The following DNAJC13 variants were observed in gnomAD, a reference collection of about 807,000 sequenced individuals.
DNAJC13 encodes the protein dnaJ homolog subfamily C member 13.
A neutral mutation model predicts 290.5 loss-of-function variants in DNAJC13; 75 were observed. The observed-to-expected ratio is 0.26, with a 90% confidence interval of 0.21 to 0.31. DNAJC13 has a LOEUF of 0.31. Ranked by LOEUF, DNAJC13 falls within the 10% of genes least tolerant of loss-of-function variation. The probability of loss-of-function intolerance (pLI) is 1.00; values close to 1 mark genes in which losing one functional copy is unlikely to be tolerated. For missense variants in DNAJC13, 2,260 were observed against 2,674.5 expected (o/e 0.85, Z 3.42); for synonymous variants, 862 against 892.0 (o/e 0.97, Z 0.60).
intron 44 of DNAJC13, among the ~76,000 whole-genome samples, chr3:132,511,529 CTTAAG>C (rs548667380): frequency 6.8e-4 from 104 of 152,206 alleles, no homozygotes; most frequent in African/African-American, 2.2e-3. Flanking sequence ...ACATTGATGT[CTTAAG>C]TTAACATATC....
At chr3:132,480,020 C>G (rs1934615458) in intron 25 of DNAJC13, among the ~76,000 whole-genome samples, 1 of 152,054 alleles carries the variant, frequency 6.6e-6, no homozygotes, top group South Asian at 2.1e-4. Flanking sequence ...TTTAATATAG[C>G]AGACTTTATT....
Position 132,454,867 on chromosome 3 carries a change from G to A in DNAJC13, c.932+710G>A, listed in dbSNP as rs538396013. Among the ~76,000 whole-genome samples, 13 of 152,116 alleles carry A rather than the reference G, an allele frequency of 8.5e-5. No homozygotes were observed. The South Asian group carries it at 1.0e-3, about 12-fold the overall frequency. On this transcript the variant is annotated intron_variant, in intron 9 of 55. Transcript: ENST00000260818. ...TCTGTTTGTGAGATGCTTTATGTAC[G>A]TTATCTTGCTTTGTCCTGACAGTAG...
At position 132,467,215 on chromosome 3, in the gene DNAJC13, G is replaced by C. The variant is rs1934025542; in HGVS notation, c.2110G>C (p.Ala704Pro). The C allele has an allele frequency of 2.5e-6, 4 of 1,613,734 alleles. No individual in the cohort carries two copies. Among genetic ancestry groups the C allele is most frequent in the Non-Finnish European group, 2.5e-6 (3 of 1,179,884 alleles). The stretch of plus-strand genomic sequence containing the variant: ...TAAAGTTCCAGAGTGGCAAAGACTA[G>C]CTGGAAAAGCTGCTAAAGAAGTTGA... ...FNKVPEWQRL[A>P]GKAAKEVEKF... Residue 704 changes from alanine (A) to proline (P), a missense_variant, in exon 20 of 56, where the codon GCT becomes CCT. Ala to Pro is a conservative substitution (Grantham distance 27, BLOSUM62 -1). This residue lies in a region of DNAJC13 where 762 missense variants were observed against 964.1 expected (regional missense o/e 0.79). Coordinates refer to ENST00000260818, the MANE Select transcript of DNAJC13 (RefSeq NM_015268.4).
Position 132,461,678 on chromosome 3 carries a change from T to TTTTTA in DNAJC13, c.1713+492_1713+496dup, listed in dbSNP as rs539426857. Among the ~76,000 whole-genome samples the TTTTTA allele has an allele frequency of 2.4e-3, 364 of 152,218 alleles. 2 individuals are homozygous for TTTTTA. The highest frequency in any genetic ancestry group is 1.8e-3 in the Non-Finnish European group (120 of 68,010). ...CTCTGCCCATTTTCTATATCTTGCT[T>TTTTTA]TTTTATTTTATTTTATTTTATTTAT... On this transcript the variant is annotated intron_variant, in intron 15 of 55. Coordinates refer to ENST00000260818, the MANE Select transcript of DNAJC13 (RefSeq NM_015268.4).
chr3:132,443,786 T>G (rs1388715018), intron 2 of DNAJC13, among the ~76,000 whole-genome samples: 2 of 152,054 alleles, frequency 1.3e-5, no homozygotes, highest in Non-Finnish European at 2.9e-5. Context: ...ATAGCTTTCT[T>G]AGGATGGCTT....
intron 1 of DNAJC13, among the ~76,000 whole-genome samples, chr3:132,428,240 A>G (rs1444244226): frequency 6.6e-6 from 1 of 152,214 alleles, no homozygotes; most frequent in East Asian, 1.9e-4. Flanking sequence ...CATTACCTTC[A>G]TTAGCGAGTT....
intron 26 of DNAJC13, among the ~76,000 whole-genome samples, 188 bp from the exon 27 acceptor site, chr3:132,482,038 T>G (rs1934693543): frequency 6.6e-6 from 1 of 152,188 alleles, no homozygotes; most frequent in Non-Finnish European, 1.5e-5. Context: ...GAAATAGTTT[T>G]TTTGGACTGT....
chr3:132,488,503 G>A (rs770304382), intron 30 of DNAJC13, 51 bp downstream of exon 30: 7 of 1,480,894 alleles, frequency 4.7e-6, no homozygotes, highest in African/African-American at 2.8e-5. Flanking sequence ...AATTTTATAT[G>A]GACTGATTTA....
rs770840868 is a variant in DNAJC13 at position 132,484,453 on chromosome 3, C to G, written c.3183-135C>G. ...AAACCAAAATACCTAATCATGTTCCCAGCTGTATGAGAGCTTAGTCTTCAT... is the reference window on the plus strand; with the variant it reads ...AAACCAAAATACCTAATCATGTTCCGAGCTGTATGAGAGCTTAGTCTTCAT... On this transcript the variant is annotated intron_variant, in intron 28 of 55. Coordinates refer to ENST00000260818, the MANE Select transcript of DNAJC13 (RefSeq NM_015268.4). 1.3e-5 allele frequency: 9 copies of G among 718,422 alleles called. No individual in the cohort carries two copies. The Admixed American group carries it at 1.6e-4, about 13-fold the overall frequency. 44.5% of individuals were successfully genotyped at this position (718,422 alleles called of 1,614,324 possible). A position where few individuals can be genotyped will look rare whatever the true frequency, so the allele number is the denominator to read the frequency against.
intron 40 of DNAJC13, 89 bp downstream of exon 40, chr3:132,502,557 C>A: frequency 8.6e-7 from 1 of 1,166,872 alleles, no homozygotes; most frequent in Non-Finnish European, 1.2e-6. Context: ...TATCCAGAGT[C>A]CCCAGAGATA....
At chr3:132,423,217 T>A (rs927935600) in intron 1 of DNAJC13, among the ~76,000 whole-genome samples, 13 of 152,124 alleles carry the variant, frequency 8.5e-5, no homozygotes, top group Non-Finnish European at 1.6e-4. Context: ...AGACTGAGAT[T>A]ACAGTGAGCT....
intron 33 of DNAJC13, among the ~76,000 whole-genome samples, chr3:132,492,943 T>C (rs1935112940): frequency 2.0e-5 from 3 of 152,084 alleles, no homozygotes; most frequent in Admixed American, 2.0e-4. Flanking sequence ...TATAGCAGGT[T>C]GATTAAGCTC....
At chr3:132,448,666 G>A (rs571796772) in intron 5 of DNAJC13, among the ~76,000 whole-genome samples, 12 of 152,256 alleles carry the variant, frequency 7.9e-5, no homozygotes, top group African/African-American at 2.9e-4. Flanking sequence ...GGCAGGAACT[G>A]AATTCTGATA....
At position 132,488,096 on chromosome 3, in the gene DNAJC13, A is replaced by G. The variant is rs1934940915; in HGVS notation, c.3268-202A>G. ...TCTGAATACATTTTGATCAATTCTCAATTGATGTTCTGCATTAAATGTTGT... is the reference window on the plus strand; with the variant it reads ...TCTGAATACATTTTGATCAATTCTCGATTGATGTTCTGCATTAAATGTTGT... On this transcript the variant is annotated intron_variant, in intron 29 of 55. Coordinates refer to ENST00000260818, the MANE Select transcript of DNAJC13 (RefSeq NM_015268.4). 2.0e-5 allele frequency among the ~76,000 whole-genome samples: 3 copies of G among 152,138 alleles called. No individual in the cohort carries two copies. In the South Asian group the frequency reaches 6.2e-4, roughly 32 times the overall value.
rs113803842 is a variant in DNAJC13 at position 132,493,771 on chromosome 3, G to A, written c.3826-373G>A. ...CTACAGTGTATCATCTAATTTTGAC[G>A]TTTTTCATGGTTTCTGGACACTTTA... On this transcript the variant is annotated intron_variant, in intron 33 of 55. Coordinates refer to ENST00000260818, the MANE Select transcript of DNAJC13 (RefSeq NM_015268.4). Among the ~76,000 whole-genome samples, 914 of 151,948 alleles carry A rather than the reference G, an allele frequency of 6.0e-3. 9 individuals carry two copies. The highest frequency in any genetic ancestry group is 0.03 in the East Asian group (154 of 5,156).
chr3:132,494,040 A>T (rs1408151102), intron 33 of DNAJC13, 104 bp from the exon 34 acceptor site: 1 of 787,930 alleles, frequency 1.3e-6, no homozygotes, highest in African/African-American at 1.8e-5. Flanking sequence ...TTGGACAGCT[A>T]AAAGTATCCA....
intron 42 of DNAJC13, among the ~76,000 whole-genome samples, chr3:132,506,809 C>T (rs950233171): frequency 1.3e-5 from 2 of 152,008 alleles, no homozygotes; most frequent in Non-Finnish European, 2.9e-5. Flanking sequence ...CTCGGCCTCC[C>T]TAAGTGCTGG....
intron 44 of DNAJC13, among the ~76,000 whole-genome samples, chr3:132,512,456 A>C (rs1044787251): frequency 2.0e-5 from 3 of 152,216 alleles, no homozygotes; most frequent in Non-Finnish European, 2.9e-5. Flanking sequence ...AAGAGGAAGA[A>C]TATGCTGAAC....
chr3:132,490,129 A>T (rs1298082503), intron 31 of DNAJC13, among the ~76,000 whole-genome samples: 1 of 152,248 alleles, frequency 6.6e-6, no homozygotes, highest in Non-Finnish European at 1.5e-5. Flanking sequence ...TCTTATTAGC[A>T]GAAAGCCTGA....
Sources: allele counts gnomAD v4.1 joint callset (sites outside exome capture counted in the v4.1 genomes callset), GRCh38; gene constraint gnomAD v4.1.1; regional missense constraint gnomAD v4.1.1; transcripts MANE v1.5; gene names NCBI Gene and HGNC (gene_info 2026-07-23, HGNC 2026-07-21).